NRCAM: variants seen among roughly 807,000 people sequenced by gnomAD.
NRCAM encodes the protein neuronal cell adhesion molecule.
A neutral mutation model predicts 156.5 loss-of-function variants in NRCAM; 83 were observed. The observed-to-expected ratio is 0.53, with a 90% CI of 0.44 to 0.64. The LOEUF (loss-of-function observed/expected upper bound fraction) is 0.64, where lower values mean the gene tolerates loss of function less well. Ranked by LOEUF, NRCAM falls within the 30% of genes least tolerant of loss-of-function variation. The probability of loss-of-function intolerance (pLI) is 0.00; values close to 1 mark genes in which losing one functional copy is unlikely to be tolerated. For synonymous variants in NRCAM, 538 were observed against 563.9 expected (o/e 0.95, Z 0.65); for missense variants, 1,417 against 1,597.3 (o/e 0.89, Z 1.92).
intron 2 of NRCAM, among the ~76,000 whole-genome samples, chr7:108,349,364 GT>G (rs2099394839): frequency 6.6e-6 from 1 of 151,948 alleles, no homozygotes; most frequent in Non-Finnish European, 1.5e-5. Context: ...CTCATCCTGG[GT>G]TCACACCATT....
Position 108,347,028 on chromosome 7 carries a change from TTC to T in NRCAM, c.-173-34299_-173-34298del, listed in dbSNP as rs1343790778. On this transcript the variant is annotated intron_variant, in intron 2 of 32. Coordinates refer to ENST00000379028, the MANE Select transcript of NRCAM (RefSeq NM_001037132.4). ...ATTACATATGTGACTCATATTATAT[TTC>T]TGTTTTTTTTTTTTTTTTTTTTTTT... Among the ~76,000 whole-genome samples, 77 of 137,088 alleles carry T rather than the reference TTC, an allele frequency of 5.6e-4. 2 individuals are homozygous for T. Among genetic ancestry groups the T allele is most frequent in the Admixed American group, 5.2e-3 (60 of 11,588 alleles). 89.9% of individuals were successfully genotyped at this position (137,088 alleles called of 152,430 possible). A position where few individuals can be genotyped will look rare whatever the true frequency, so the allele number is the denominator to read the frequency against.
intron 4 of NRCAM, among the ~76,000 whole-genome samples, chr7:108,239,193 C>T (rs2095360763): frequency 6.6e-6 from 1 of 152,110 alleles, no homozygotes; most frequent in Non-Finnish European, 1.5e-5. Context: ...TTTTCACAAA[C>T]AGGCCACCCA....
Position 108,159,630 on chromosome 7 carries a change from G to A in NRCAM, c.3599-89C>T, listed in dbSNP as rs2151337195. ...AAAGCATTCTTTGAGATATACAGCA[G>A]TGAAAAATAATTCCATACACAAGTA... On this transcript the variant is annotated intron_variant, in intron 31 of 32. Coordinates refer to ENST00000379028, the MANE Select transcript of NRCAM (RefSeq NM_001037132.4). 3 of 951,704 alleles carry A rather than the reference G, an allele frequency of 3.2e-6. No homozygotes were observed. In the East Asian group the frequency reaches 7.2e-5, roughly 23 times the overall value. 59.0% of individuals were successfully genotyped at this position (951,704 alleles called of 1,614,324 possible).
chr7:108,216,357 T>A (rs2088866801), intron 11 of NRCAM, among the ~76,000 whole-genome samples: 1 of 152,190 alleles, frequency 6.6e-6, no homozygotes, highest in Non-Finnish European at 1.5e-5. Flanking sequence ...TTTTCCTTCA[T>A]TGCAACCTTG....
At position 108,148,612 on chromosome 7, in the gene NRCAM, T is replaced by C. The variant is rs979053418; in HGVS notation, c.*1298A>G. ...ACCGTTGGCCTTTTAAGCACTTGCCTGATTTCTTAGATTCTGAAATGTATC... is the reference window on the plus strand; with the variant it reads ...ACCGTTGGCCTTTTAAGCACTTGCCCGATTTCTTAGATTCTGAAATGTATC... On this transcript the variant is annotated 3_prime_UTR_variant, in exon 33 of 33. Coordinates refer to ENST00000379028, the MANE Select transcript of NRCAM (RefSeq NM_001037132.4). 1 of 152,690 alleles carries C rather than the reference T, an allele frequency of 6.5e-6. No homozygotes were observed. Among genetic ancestry groups the C allele is most frequent in the African/African-American group, 2.4e-5 (1 of 41,468 alleles). The allele number at this position is 152,690 out of a possible 1,614,324, so 9.5% of individuals were successfully genotyped here.
chr7:108,327,486 T>C (rs944272950), intron 2 of NRCAM, among the ~76,000 whole-genome samples: 2 of 152,162 alleles, frequency 1.3e-5, no homozygotes, highest in South Asian at 4.1e-4. Flanking sequence ...CCAGCTGTAA[T>C]AAAAGTCAGA....
chr7:108,352,057 A>G (rs2099416796), intron 2 of NRCAM, among the ~76,000 whole-genome samples: 1 of 152,248 alleles, frequency 6.6e-6, no homozygotes, highest in Non-Finnish European at 1.5e-5. Context: ...ATGCCTGAGT[A>G]GCACTAACAA....
At chr7:108,217,110 G>A (rs894111558) in intron 11 of NRCAM, among the ~76,000 whole-genome samples, 2 of 152,078 alleles carry the variant, frequency 1.3e-5, no homozygotes, top group African/African-American at 4.8e-5. Flanking sequence ...TTGTGTGGAC[G>A]CCCTTTTTGT....
chr7:108,387,464 T>C (rs2099744322), intron 2 of NRCAM, among the ~76,000 whole-genome samples: 1 of 152,110 alleles, frequency 6.6e-6, no homozygotes, highest in Admixed American at 6.6e-5. Context: ...GCAATGAACG[T>C]TTCCTATGTT....
At chr7:108,352,799 G>GT (rs1563393912) in intron 2 of NRCAM, among the ~76,000 whole-genome samples, 1 of 151,964 alleles carries the variant, frequency 6.6e-6, no homozygotes, top group Non-Finnish European at 1.5e-5. Context: ...ATAAAGCTAA[G>GT]AGTCCTGAAT....
At position 108,268,842 on chromosome 7, in the gene NRCAM, T is replaced by C. The variant is rs148504995; in HGVS notation, c.-106-28672A>G. Among the ~76,000 whole-genome samples, 460 of 152,356 alleles carry C rather than the reference T, an allele frequency of 3.0e-3. 2 individuals are homozygous for C. Among genetic ancestry groups the C allele is most frequent in the African/African-American group, 0.01 (433 of 41,580 alleles). ...GAATGGTTCAATACCTGAAACAGTA[T>C]ACAGGCATCTTCATTACTCTTCTTA... On this transcript the variant is annotated intron_variant, in intron 3 of 32. Transcript: ENST00000379028.
chr7:108,240,829 T>A (rs1316508696), intron 3 of NRCAM, among the ~76,000 whole-genome samples: 5 of 152,192 alleles, frequency 3.3e-5, no homozygotes, highest in African/African-American at 1.2e-4. Flanking sequence ...TTTAAACAAG[T>A]ACTTAAAAAT....
chr7:108,351,274 T>C (rs2099410622), intron 2 of NRCAM, among the ~76,000 whole-genome samples: 5 of 152,200 alleles, frequency 3.3e-5, no homozygotes, highest in Admixed American at 3.3e-4. Flanking sequence ...CCCTTGACCT[T>C]GGACTTCCTA....
At position 108,312,714 on chromosome 7, in the gene NRCAM, C is replaced by A. The variant is rs768038467; in HGVS notation, c.-156G>T. On this transcript the variant is annotated 5_prime_UTR_variant, in exon 3 of 33. Coordinates refer to ENST00000379028, the MANE Select transcript of NRCAM (RefSeq NM_001037132.4). ...CTTCCTTTTAATTCTTTAAACCAAA[C>A]GTCTTCTTAGCATTGCTCTGTGGGT... 1 of 152,192 alleles carries A rather than the reference C, an allele frequency of 6.6e-6. No homozygotes were observed. Among genetic ancestry groups the A allele is most frequent in the Non-Finnish European group, 1.5e-5 (1 of 68,024 alleles). The allele number at this position is 152,192 out of a possible 1,614,324, so 9.4% of individuals were successfully genotyped here.
intron 19 of NRCAM, among the ~76,000 whole-genome samples, 179 bp from the exon 20 acceptor site, chr7:108,189,925 C>A (rs2070035513): frequency 6.6e-6 from 1 of 152,172 alleles, no homozygotes; most frequent in Non-Finnish European, 1.5e-5. Context: ...CGAACACACA[C>A]AAGATAACCC....
In NRCAM at chr7:108,148,672, A is replaced by T. The variant is rs944068192; in HGVS notation, c.*1238T>A. 6.6e-6 allele frequency: 1 copy of T among 152,662 alleles called. No individual in the cohort carries two copies. The highest frequency in any genetic ancestry group is 6.5e-5 in the Admixed American group (1 of 15,286). 9.5% of individuals were successfully genotyped at this position (152,662 alleles called of 1,614,324 possible). ...TTGCATACACGTTGTTTAATGCTGC[A>T]GAGTTTTGAACACTTACATAGGTAA... On this transcript the variant is annotated 3_prime_UTR_variant, in exon 33 of 33. Transcript: ENST00000379028.
intron 2 of NRCAM, among the ~76,000 whole-genome samples, chr7:108,316,535 G>A (rs1330940635): frequency 6.6e-6 from 1 of 152,088 alleles, no homozygotes; most frequent in Non-Finnish European, 1.5e-5. Flanking sequence ...CAGCACTTTG[G>A]GAGGCCGAAG....
chr7:108,268,057 C>T (rs971386170), intron 3 of NRCAM, among the ~76,000 whole-genome samples: 6 of 152,126 alleles, frequency 3.9e-5, no homozygotes, highest in East Asian at 1.9e-4. Context: ...TTCATTTACA[C>T]GGCATTTCTT....
rs190247679 is a variant in NRCAM, at chr7:108,339,263, A to G, written c.-173-26532T>C. ...CCAGGTGAATGAGAAAAAAATCACA[A>G]TGGGTATTCAGTAATTGATAGGGAG... On this transcript the variant is annotated intron_variant, in intron 2 of 32. Coordinates refer to ENST00000379028, the MANE Select transcript of NRCAM (RefSeq NM_001037132.4). Among the ~76,000 whole-genome samples, 3 of 152,334 alleles carry G rather than the reference A, an allele frequency of 2.0e-5. No individual in the cohort carries two copies. The East Asian group carries it at 5.8e-4, about 29-fold the overall frequency.
Sources: gnomAD v4.1 joint callset for allele counts (sites outside exome capture counted in the v4.1 genomes callset) on GRCh38, gnomAD v4.1.1 for gene constraint, MANE v1.5 for transcripts, NCBI Gene and HGNC (gene_info 2026-07-23, HGNC 2026-07-21) for gene names.